ADGRB1: variants seen among roughly 807,000 people sequenced by gnomAD.
ADGRB1 encodes adhesion G protein-coupled receptor B1, also known as brain-specific angiogenesis inhibitor 1.
ADGRB1 carries 36 observed loss-of-function variants against 175.7 expected under a neutral mutation model. That is an observed-to-expected ratio of 0.20 (90% confidence interval 0.16 to 0.27). The LOEUF (loss-of-function observed/expected upper bound fraction) is 0.27, where lower values mean the gene tolerates loss of function less well. Ranked by LOEUF, ADGRB1 falls within the 10% of genes least tolerant of loss-of-function variation. The pLI, the probability that ADGRB1 is intolerant of heterozygous loss-of-function variation, is 1.00. For synonymous variants in ADGRB1, 1,054 were observed against 979.4 expected (o/e 1.08, Z -1.42); for missense variants, 1,731 against 2,255.3 (o/e 0.77, Z 4.71).
chr8:142,470,820 C>T (rs141728136), intron 2 of ADGRB1, among the ~76,000 whole-genome samples: 2 of 152,148 alleles, frequency 1.3e-5, no homozygotes, highest in Non-Finnish European at 1.5e-5. Context: ...GTGAGTCAGG[C>T]TCAGCCCAGG....
At chr8:142,480,141 G>A (rs1563695951) in intron 9 of ADGRB1, among the ~76,000 whole-genome samples, 1 of 152,224 alleles carries the variant, frequency 6.6e-6, no homozygotes, top group African/African-American at 2.4e-5. Flanking sequence ...GGAAGAGGAG[G>A]TCTCTGTTGA....
At chr8:142,541,316 G>A (rs1330525266) in intron 27 of ADGRB1, among the ~76,000 whole-genome samples, 1 of 152,152 alleles carries the variant, frequency 6.6e-6, no homozygotes, top group African/African-American at 2.4e-5. Flanking sequence ...AAGGCGGCTG[G>A]GCCCCTTGCA....
At chr8:142,522,325 C>A (rs1307559852) in intron 21 of ADGRB1, among the ~76,000 whole-genome samples, 1 of 152,130 alleles carries the variant, frequency 6.6e-6, no homozygotes, top group African/African-American at 2.4e-5. Context: ...GTCTAGATAA[C>A]GAAAACGTTT....
intron 25 of ADGRB1, among the ~76,000 whole-genome samples, chr8:142,535,025 C>G (rs1844845741): frequency 6.6e-6 from 1 of 152,098 alleles, no homozygotes; most frequent in African/African-American, 2.4e-5. Context: ...TTCTGTGAAA[C>G]AAGAACAGTA....
intron 1 of ADGRB1, among the ~76,000 whole-genome samples, chr8:142,454,848 C>T (rs1422455383): frequency 6.6e-6 from 1 of 152,082 alleles, no homozygotes; most frequent in Non-Finnish European, 1.5e-5. Context: ...AGGATCAGTA[C>T]CAAAGGACTA....
intron 17 of ADGRB1, among the ~76,000 whole-genome samples, chr8:142,500,561 C>G (rs950064385): frequency 2.0e-5 from 3 of 151,620 alleles, no homozygotes; most frequent in Non-Finnish European, 4.4e-5. Context: ...GCTCAGCACC[C>G]GTGTCCCTGT....
chr8:142,495,955 A>C, intron 17 of ADGRB1, among the ~76,000 whole-genome samples: 1 of 144,590 alleles, frequency 6.9e-6, no homozygotes, highest in East Asian at 2.2e-4. Flanking sequence ...GGGTGGGTGG[A>C]TGGGTGGATG....
Position 142,455,582 on chromosome 8 carries a change from G to A in ADGRB1, c.-220+5478G>A, listed in dbSNP as rs535625409. Among the ~76,000 whole-genome samples the A allele has an allele frequency of 3.3e-3, 499 of 152,310 alleles. 2 individuals are homozygous for A. Among genetic ancestry groups the A allele is most frequent in the Non-Finnish European group, 4.3e-3 (294 of 68,026 alleles). ...GGTCAGGAGGACCCAGGGATTACTG[G>A]GAGCTCAGAGACTGGGGTGGACCTT... On this transcript the variant is annotated intron_variant, in intron 1 of 30. Coordinates refer to ENST00000517894, the MANE Select transcript of ADGRB1 (RefSeq NM_001702.3). The surrounding 1 kb of genome is among the most constrained non-coding windows in gnomAD (Gnocchi z 4.9).
intron 10 of ADGRB1, 32 bp from the exon 11 acceptor site, chr8:142,481,485 G>A: frequency 6.4e-7 from 1 of 1,574,016 alleles, no homozygotes; most frequent in Non-Finnish European, 8.6e-7. Context: ...TTCCACAGAG[G>A]TGAAGGCACC....
At chr8:142,452,963 C>G (rs1324603563) in intron 1 of ADGRB1, among the ~76,000 whole-genome samples, 2 of 147,806 alleles carry the variant, frequency 1.4e-5, no homozygotes, top group Admixed American at 6.7e-5. Flanking sequence ...CCCCTTCCGT[C>G]TCCTCCGCGC....
intron 1 of ADGRB1, among the ~76,000 whole-genome samples, chr8:142,451,689 C>CG (rs1839360007): frequency 6.6e-6 from 1 of 152,102 alleles, no homozygotes; most frequent in Non-Finnish European, 1.5e-5. Flanking sequence ...AGAGCCGCCG[C>CG]GGGGGAACAG....
rs554580441 is a variant in ADGRB1 at position 142,510,296 on chromosome 8, C to T, written c.2676-636C>T. On this transcript the variant is annotated intron_variant, in intron 17 of 30. Coordinates refer to ENST00000517894, the MANE Select transcript of ADGRB1 (RefSeq NM_001702.3). The surrounding 1 kb of genome is among the most constrained non-coding windows in gnomAD (Gnocchi z 6.3). ...GAGGGAAGTTTCCAGCGGCAAGCCTCCCCGCGGGGAAGGCTGTGTCTGTCC... is the reference window on the plus strand; with the variant it reads ...GAGGGAAGTTTCCAGCGGCAAGCCTTCCCGCGGGGAAGGCTGTGTCTGTCC... Among the ~76,000 whole-genome samples, 1 of 152,110 alleles carries T rather than the reference C, an allele frequency of 6.6e-6. No homozygotes were observed. The highest frequency in any genetic ancestry group is 2.1e-4 in the South Asian group (1 of 4,822).
chr8:142,480,851 T>C (rs1313586037), intron 9 of ADGRB1, among the ~76,000 whole-genome samples: 1 of 152,220 alleles, frequency 6.6e-6, no homozygotes, highest in East Asian at 1.9e-4. Flanking sequence ...CCCATGTCTC[T>C]GGGCCAGGCT....
chr8:142,501,413 GTGA>G (rs1388532777), intron 17 of ADGRB1, among the ~76,000 whole-genome samples: 2 of 143,894 alleles, frequency 1.4e-5, no homozygotes, highest in African/African-American at 2.6e-5. Context: ...GGTGGTGGTG[GTGA>G]TGATGGGGTG....
rs1429186810 is a variant in ADGRB1, at chr8:142,492,235, G to A, written c.2675+1420G>A. Among the ~76,000 whole-genome samples, 1 of 152,134 alleles carries A rather than the reference G, an allele frequency of 6.6e-6. No individual in the cohort carries two copies. The highest frequency in any genetic ancestry group is 2.4e-5 in the African/African-American group (1 of 41,430). ...CCATCCACCGCTCCTCCGTCCGCCT[G>A]TTCTTTAATCCATCCGCCCATCGCC... is the stretch of plus-strand genomic sequence containing the variant. On this transcript the variant is annotated intron_variant, in intron 17 of 30. Coordinates refer to ENST00000517894, the MANE Select transcript of ADGRB1 (RefSeq NM_001702.3). This position sits in a 1 kb window ranked among gnomAD's most constrained non-coding sequence, Gnocchi z 4.4.
At chr8:142,473,841 C>G (rs1840791410) in intron 2 of ADGRB1, among the ~76,000 whole-genome samples, 1 of 152,234 alleles carries the variant, frequency 6.6e-6, no homozygotes, top group African/African-American at 2.4e-5. Flanking sequence ...GGTCTCATCC[C>G]CATGCCCCTG....
intron 18 of ADGRB1, among the ~76,000 whole-genome samples, chr8:142,512,023 C>G (rs1843136097): frequency 1.3e-5 from 2 of 152,276 alleles, no homozygotes; most frequent in Non-Finnish European, 2.9e-5. Context: ...CTCTCGGACA[C>G]TCCAGCCTCC....
rs1356751205 is a variant in ADGRB1 at position 142,474,544 on chromosome 8, C to A, written c.785-930C>A. Among the ~76,000 whole-genome samples the A allele has an allele frequency of 1.3e-5, 2 of 152,188 alleles. No homozygotes were observed. The highest frequency in any genetic ancestry group is 1.3e-4 in the Admixed American group (2 of 15,284). On this transcript the variant is annotated intron_variant, in intron 2 of 30. Coordinates refer to ENST00000517894, the MANE Select transcript of ADGRB1 (RefSeq NM_001702.3). The surrounding 1 kb of genome is among the most constrained non-coding windows in gnomAD (Gnocchi z 5.8). ...GGTGCTGCTGCCCCTCTCTGGCCCA[C>A]AGATGGCAGTGGCCCTCTCCTGCTT...
At chr8:142,454,959 T>A (rs1317431305) in intron 1 of ADGRB1, among the ~76,000 whole-genome samples, 1 of 151,828 alleles carries the variant, frequency 6.6e-6, no homozygotes, top group East Asian at 1.9e-4. Flanking sequence ...TGGAGACCTC[T>A]GCCCCTCCTC....
Sources: allele counts gnomAD v4.1 joint callset (sites outside exome capture counted in the v4.1 genomes callset), GRCh38; gene constraint gnomAD v4.1.1; non-coding constraint Gnocchi (gnomAD v3.1); transcripts MANE v1.5; gene names NCBI Gene and HGNC (gene_info 2026-07-23, HGNC 2026-07-21).